Variants in RABEP1 observed in about 807,000 individuals in gnomAD.
RABEP1 encodes the protein rab GTPase-binding effector protein 1.
Under a neutral mutation model 123.4 loss-of-function variants are expected in RABEP1, and 51 were observed. That is an observed-to-expected ratio of 0.41 (90% CI 0.33 to 0.52). RABEP1 has a LOEUF of 0.52. Among genes scored for constraint, RABEP1 ranks in the 20% least tolerant of loss-of-function variants. The pLI is 0.16. For synonymous variants in RABEP1, 347 were observed against 355.2 expected (o/e 0.98, Z 0.26); for missense variants, 888 against 996.3 (o/e 0.89, Z 1.46).
At chr17:5,289,452 G>C (rs1197055052) in intron 1 of RABEP1, among the ~76,000 whole-genome samples, 2 of 146,812 alleles carry the variant, frequency 1.4e-5, no homozygotes, top group Non-Finnish European at 3.0e-5. Context: ...ATGGTTTCTG[G>C]GTTTCTTATT....
intron 2 of RABEP1, among the ~76,000 whole-genome samples, chr17:5,319,648 C>T (rs2075334438): frequency 6.6e-6 from 1 of 152,076 alleles, no homozygotes. Flanking sequence ...CAGGCGTGAG[C>T]TACCACACCC....
intron 5 of RABEP1, among the ~76,000 whole-genome samples, chr17:5,343,263 T>C (rs72836396): frequency 0.13 from 20,226 of 151,866 alleles, 1,436 homozygotes; most frequent in East Asian, 0.17. Context: ...AATAAATAAA[T>C]TATTATCTGG....
At position 5,302,244 on chromosome 17, in the gene RABEP1, A is replaced by ATT. The variant is rs57770310; in HGVS notation, c.35-6437_35-6436dup. On this transcript the variant is annotated intron_variant, in intron 1 of 17. Coordinates refer to ENST00000537505, the MANE Select transcript of RABEP1 (RefSeq NM_004703.6). ...GATTTAGGGGAATGTTACTGAAAAC[A>ATT]TTTTTTTTTTTTTTGAGATGGAGTC... Among the ~76,000 whole-genome samples the ATT allele has an allele frequency of 1.5e-3, 177 of 118,380 alleles. 5 individuals are homozygous for ATT. Among genetic ancestry groups the ATT allele is most frequent in the Non-Finnish European group, 2.0e-3 (126 of 62,076 alleles). The allele number at this position is 118,380 out of a possible 152,430, so 77.7% of individuals were successfully genotyped here.
At chr17:5,375,239 T>C (rs945940549) in intron 13 of RABEP1, among the ~76,000 whole-genome samples, 1 of 152,178 alleles carries the variant, frequency 6.6e-6, no homozygotes, top group Non-Finnish European at 1.5e-5. Context: ...TTATTTTTTA[T>C]GTTTATTTCA....
rs180704025 is a variant in RABEP1, at chr17:5,339,482, C to T, written c.648+1344C>T. Among the ~76,000 whole-genome samples the T allele has an allele frequency of 9.9e-5, 15 of 152,228 alleles. No homozygotes were observed. The East Asian group carries it at 2.7e-3, about 28-fold the overall frequency. On this transcript the variant is annotated intron_variant, in intron 5 of 17. Coordinates refer to ENST00000537505, the MANE Select transcript of RABEP1 (RefSeq NM_004703.6). The stretch of plus-strand genomic sequence containing the variant: ...CATGATCATGCCACTGCACTCCAGT[C>T]TACGTGATAGAGTGAGACTCTGTCT...
In RABEP1 at chr17:5,369,762, G is replaced by A. The variant is rs552886823; in HGVS notation, c.1884+1294G>A. On this transcript the variant is annotated intron_variant, in intron 12 of 17. Coordinates refer to ENST00000537505, the MANE Select transcript of RABEP1 (RefSeq NM_004703.6). ...GTTGCCTAGGCTGGAGTGTAATGGC[G>A]CAATCTCGGCTCACTGCAACCTCCT... Among the ~76,000 whole-genome samples, 6 of 151,570 alleles carry A rather than the reference G, an allele frequency of 4.0e-5. 1 individual carries two copies. The South Asian group carries it at 8.3e-4, about 21-fold the overall frequency.
intron 3 of RABEP1, among the ~76,000 whole-genome samples, chr17:5,332,596 A>ATTTTTTTTT (rs553120401): frequency 6.6e-5 from 7 of 105,898 alleles, no homozygotes; most frequent in African/African-American, 1.5e-4. Flanking sequence ...ACGTTTTAGA[A>ATTTTTTTTT]TTTTTTTTTT....
intron 11 of RABEP1, 34 bp downstream of exon 11, chr17:5,365,272 G>A: frequency 1.5e-6 from 2 of 1,328,966 alleles, no homozygotes; most frequent in South Asian, 1.5e-5. Flanking sequence ...GGCCCATGAG[G>A]GATGACTGGG....
intron 5 of RABEP1, among the ~76,000 whole-genome samples, chr17:5,341,094 A>G (rs1907566643): frequency 6.6e-6 from 1 of 152,102 alleles, no homozygotes; most frequent in South Asian, 2.1e-4. Flanking sequence ...GGTAAGACTG[A>G]TCAGGAAAAA....
intron 12 of RABEP1, 36 bp from the exon 13 acceptor site, chr17:5,373,278 C>A: frequency 6.3e-7 from 1 of 1,596,276 alleles, no homozygotes; most frequent in Non-Finnish European, 8.5e-7. Flanking sequence ...CCGGATCTAC[C>A]TTTCTGGCTG....
chr17:5,379,629 A>C (rs1911287036), intron 15 of RABEP1, among the ~76,000 whole-genome samples: 1 of 152,054 alleles, frequency 6.6e-6, no homozygotes, highest in Middle Eastern at 3.4e-3. Flanking sequence ...ATAACATCTC[A>C]TCCTTTCCAT....
chr17:5,354,525 A>C lies in RABEP1; in HGVS notation c.1095+35A>C, dbSNP rs1199456392. ...GTCTATAATTAAAGTCATTAAATACACAATGTCAACAATTTTAGCTTACTC... is the reference window on the plus strand; with the variant it reads ...GTCTATAATTAAAGTCATTAAATACCCAATGTCAACAATTTTAGCTTACTC... On this transcript the variant is annotated intron_variant, in intron 8 of 17. Coordinates refer to ENST00000537505, the MANE Select transcript of RABEP1 (RefSeq NM_004703.6). 3.8e-6 allele frequency: 6 copies of C among 1,561,262 alleles called. No homozygotes were observed. The South Asian group carries it at 6.1e-5, about 16-fold the overall frequency.
At chr17:5,346,103 C>T (rs182119301) in intron 5 of RABEP1, among the ~76,000 whole-genome samples, 5 of 152,032 alleles carry the variant, frequency 3.3e-5, no homozygotes, top group East Asian at 3.9e-4. Context: ...AGGGTTTCTC[C>T]GTGTTTCCCA....
intron 1 of RABEP1, among the ~76,000 whole-genome samples, chr17:5,294,633 C>CGTTTTTTTTTT (rs2075063619): frequency 1.9e-5 from 1 of 53,024 alleles, no homozygotes; most frequent in Non-Finnish European, 3.4e-5. Flanking sequence ...ACGGTATTGT[C>CGTTTTTTTTTT]TTTTTTTTTT....
intron 1 of RABEP1, among the ~76,000 whole-genome samples, chr17:5,304,632 T>C (rs1272572393): frequency 6.6e-6 from 1 of 152,146 alleles, no homozygotes; most frequent in Admixed American, 6.6e-5. Flanking sequence ...TCTCCCTTTT[T>C]CTTATTGCTC....
rs532055254 is a variant in RABEP1 at position 5,361,135 on chromosome 17, C to T, written c.1096-73C>T. 2.8e-4 allele frequency: 362 copies of T among 1,292,378 alleles called. 5 individuals are homozygous for T. The South Asian group carries it at 4.8e-3, about 17-fold the overall frequency. The allele number at this position is 1,292,378 out of a possible 1,614,324, so 80.1% of individuals were successfully genotyped here. On this transcript the variant is annotated intron_variant, in intron 8 of 17. Transcript: ENST00000537505. ...ATCATGTGTAATGAGTGGCGGAATA[C>T]ATTTATTATAGTTTTTGTCTTTAAA...
At chr17:5,294,138 A>T (rs971002329) in intron 1 of RABEP1, among the ~76,000 whole-genome samples, 11 of 152,126 alleles carry the variant, frequency 7.2e-5, no homozygotes, top group Non-Finnish European at 1.6e-4. Flanking sequence ...CCATCTGGGG[A>T]TTGAAAATAA....
At chr17:5,324,409 A>G (rs1282325154) in intron 2 of RABEP1, among the ~76,000 whole-genome samples, 1 of 152,172 alleles carries the variant, frequency 6.6e-6, no homozygotes, top group East Asian at 1.9e-4. Context: ...ATTAGGCCCC[A>G]TCTCTCTCCA....
At chr17:5,282,608 A>G in intron 1 of RABEP1, 88 bp downstream of exon 1, 1 of 957,154 alleles carries the variant, frequency 1.0e-6, no homozygotes, top group Non-Finnish European at 1.3e-6. Context: ...AGGCGGCGGC[A>G]AGGGCGCGCG....
Sources: allele counts gnomAD v4.1 joint callset (sites outside exome capture counted in the v4.1 genomes callset), GRCh38; gene constraint gnomAD v4.1.1; transcripts MANE v1.5; gene names NCBI Gene and HGNC (gene_info 2026-07-23, HGNC 2026-07-21).